Variants in SLC18A1 observed in about 807,000 individuals in gnomAD.
The protein encoded by SLC18A1 is chromaffin granule amine transporter.
Under a neutral mutation model 53.7 loss-of-function variants are expected in SLC18A1, and 69 were observed. That is an observed-to-expected ratio of 1.28 (90% CI 1.06 to 1.57). SLC18A1 has a LOEUF of 1.57. SLC18A1 is among the 40% of genes most tolerant of loss of function. The pLI is 0.00. For missense variants in SLC18A1, 932 were observed against 668.1 expected (o/e 1.40, Z -4.35); for synonymous variants, 320 against 248.1 (o/e 1.29, Z -2.72).
chr8:20,147,524 G>A (rs1037914855), intron 14 of SLC18A1, 79 bp downstream of exon 14: 5 of 1,599,388 alleles, frequency 3.1e-6, no homozygotes, highest in African/African-American at 2.7e-5. Context: ...AGAACCCTAG[G>A]AGGATAGCTT....
chr8:20,172,320 T>A (rs2072143995), intron 6 of SLC18A1, among the ~76,000 whole-genome samples: 1 of 152,208 alleles, frequency 6.6e-6, no homozygotes, highest in Admixed American at 6.5e-5. Context: ...GGATTCTGTT[T>A]CCTCTGCTTC....
intron 10 of SLC18A1, 171 bp from the exon 11 acceptor site, chr8:20,150,915 C>T: frequency 1.6e-6 from 1 of 611,806 alleles, no homozygotes; most frequent in Non-Finnish European, 2.9e-6. Context: ...CATAGGACCC[C>T]CACACCTCTC....
chr8:20,172,261 A>G (rs2072141911), intron 6 of SLC18A1, among the ~76,000 whole-genome samples: 2 of 152,246 alleles, frequency 1.3e-5, no homozygotes, highest in Non-Finnish European at 2.9e-5. Context: ...TTCAAGATGC[A>G]CAGGGTTTAG....
intron 15 of SLC18A1, 101 bp from the exon 16 acceptor site, chr8:20,145,977 G>A (rs547350628): frequency 2.2e-5 from 12 of 551,438 alleles, no homozygotes; most frequent in Middle Eastern, 5.1e-4. Flanking sequence ...GTGCAGTGGC[G>A]CAATCTCGGC....
chr8:20,150,430 C>T (rs2071521258), intron 11 of SLC18A1, among the ~76,000 whole-genome samples: 1 of 152,200 alleles, frequency 6.6e-6, no homozygotes, highest in African/African-American at 2.4e-5. Flanking sequence ...TAAGGGGTGC[C>T]CCTCATGTAT....
rs1379027884 is a variant in SLC18A1 at position 20,147,983 on chromosome 8, G to T, written c.1210+24C>A. On this transcript the variant is annotated intron_variant, in intron 13 of 15. Coordinates refer to ENST00000276373, the MANE Select transcript of SLC18A1 (RefSeq NM_003053.4). ...CAAAGCCAACATGCAGGGGCTTATT[G>T]TTTTCTTTGAGGGCACTTCTTACCT... 1.1e-5 allele frequency: 18 copies of T among 1,612,466 alleles called. No homozygotes were observed. The Admixed American group carries it at 3.0e-4, about 27-fold the overall frequency.
At chr8:20,178,645 ATG>A (rs2072317586) in intron 3 of SLC18A1, 152 bp from the exon 4 acceptor site, 1 of 643,048 alleles carries the variant, frequency 1.6e-6, no homozygotes, top group Non-Finnish European at 2.7e-6. Context: ...GAAATAGGGC[ATG>A]TGGATGAGTA....
intron 2 of SLC18A1, among the ~76,000 whole-genome samples, 173 bp from the exon 3 acceptor site, chr8:20,179,657 G>A (rs1484067439): frequency 2.0e-5 from 3 of 152,202 alleles, no homozygotes; most frequent in African/African-American, 7.2e-5. Context: ...CTATGATGAG[G>A]TTCAGCCTTA....
intron 14 of SLC18A1, 66 bp from the exon 15 acceptor site, chr8:20,147,457 G>T: frequency 6.3e-7 from 1 of 1,579,520 alleles, no homozygotes; most frequent in African/African-American, 1.3e-5. Flanking sequence ...CTCCACGTAG[G>T]ACACTATGCT....
intron 12 of SLC18A1, chr8:20,148,426 C>A: frequency 7.8e-7 from 1 of 1,287,600 alleles, no homozygotes; most frequent in Non-Finnish European, 1.0e-6. Flanking sequence ...TAAACATACA[C>A]TCCTGGTCTC....
intron 10 of SLC18A1, among the ~76,000 whole-genome samples, chr8:20,157,449 G>A (rs2071711219): frequency 6.6e-6 from 1 of 152,124 alleles, no homozygotes; most frequent in African/African-American, 2.4e-5. Context: ...ATCACAACAT[G>A]GAGATTGGTG....
In SLC18A1 at chr8:20,147,242, A is replaced by C; in HGVS notation, c.1464+16T>G. The C allele has an allele frequency of 6.3e-7, 1 of 1,579,346 alleles. No individual in the cohort carries two copies. The highest frequency in any genetic ancestry group is 8.6e-7 in the Non-Finnish European group (1 of 1,168,862). Reference sequence around the variant, plus strand: ...AACAGAAGTGAATTTCTCTTTTAACAGTCGGTGCTCCTTACAAGCTTCTCT... The same window carrying C: ...AACAGAAGTGAATTTCTCTTTTAACCGTCGGTGCTCCTTACAAGCTTCTCT... On this transcript the variant is annotated intron_variant, in intron 15 of 15. Transcript: ENST00000276373.
At position 20,174,459 on chromosome 8, in the gene SLC18A1, T is replaced by C. The variant is rs752972555; in HGVS notation, c.548-15A>G. ...AAAAGCAAACACTGGGCAGAGAGAA[T>C]AGCAAGATAACTGCAGTTAGCAAAT... On this transcript the variant is annotated splice_polypyrimidine_tract_variant and intron_variant, in intron 4 of 15. Coordinates refer to ENST00000276373, the MANE Select transcript of SLC18A1 (RefSeq NM_003053.4). 3.7e-6 allele frequency: 6 copies of C among 1,600,772 alleles called. No individual in the cohort carries two copies.
chr8:20,182,404 A>G (rs2072451824), intron 1 of SLC18A1, among the ~76,000 whole-genome samples: 1 of 152,228 alleles, frequency 6.6e-6, no homozygotes, highest in Non-Finnish European at 1.5e-5. Flanking sequence ...TAAGTAAAAA[A>G]GGGAAATTAA....
At chr8:20,156,246 C>A (rs2071677938) in intron 10 of SLC18A1, among the ~76,000 whole-genome samples, 2 of 126,976 alleles carry the variant, frequency 1.6e-5, no homozygotes, top group Non-Finnish European at 3.3e-5. Context: ...CAGTTCAGAA[C>A]TATCCTAAGT....
Position 20,147,713 on chromosome 8 carries a change from T to A in SLC18A1, c.1220A>T (p.Asp407Val). Residue 407 changes from aspartate to valine, a missense_variant, in exon 14 of 16, where the codon GAT becomes GTT. By Grantham distance (152) the Asp-to-Val change is radical. Coordinates refer to ENST00000276373, the MANE Select transcript of SLC18A1 (RefSeq NM_003053.4). Reference protein sequence around the residue: ...AGLGLAIGMVDSSMMPIMGHL... With the variant: ...AGLGLAIGMVVSSMMPIMGHL... The stretch of plus-strand genomic sequence containing the variant: ...CCCCATGATGGGCATCATAGAAGAA[T>A]CCACCATGCCTGTGGCCAGAGCAAA... 1 of 1,613,180 alleles carries A rather than the reference T, an allele frequency of 6.2e-7. No individual in the cohort carries two copies. Among genetic ancestry groups the A allele is most frequent in the Non-Finnish European group, 8.5e-7 (1 of 1,179,800 alleles).
chr8:20,153,055 C>T (rs959588051), intron 10 of SLC18A1, among the ~76,000 whole-genome samples: 4 of 151,752 alleles, frequency 2.6e-5, no homozygotes, highest in African/African-American at 4.8e-5. Context: ...GGTGAAGGGA[C>T]GGGAGTGCAT....
intron 10 of SLC18A1, among the ~76,000 whole-genome samples, chr8:20,152,824 G>A (rs2071591547): frequency 6.6e-6 from 1 of 152,212 alleles, no homozygotes; most frequent in South Asian, 2.1e-4. Context: ...AATGAAGTAG[G>A]TGAGGGGAGA....
chr8:20,152,716 A>G (rs2071588631), intron 10 of SLC18A1, among the ~76,000 whole-genome samples: 1 of 152,226 alleles, frequency 6.6e-6, no homozygotes, highest in African/African-American at 2.4e-5. Context: ...ATGAAAGAAC[A>G]AATAAAGAAT....
Sources: allele counts gnomAD v4.1 joint callset (sites outside exome capture counted in the v4.1 genomes callset), GRCh38; gene constraint gnomAD v4.1.1; transcripts MANE v1.5; gene names NCBI Gene and HGNC (gene_info 2026-07-23, HGNC 2026-07-21).